FGGY: variants seen among roughly 807,000 people sequenced by gnomAD.
The protein encoded by FGGY is FGGY carbohydrate kinase domain containing, also known as FGGY carbohydrate kinase domain-containing protein.
A neutral mutation model predicts 71.3 loss-of-function variants in FGGY; 72 were observed. That is an observed-to-expected ratio of 1.01 (90% CI 0.84 to 1.23). FGGY has a LOEUF of 1.23. Ranked by LOEUF, FGGY falls within the 50% of genes most tolerant of loss-of-function variation. The probability of loss-of-function intolerance (pLI) is 0.00; values close to 1 mark genes in which losing one functional copy is unlikely to be tolerated. For synonymous variants in FGGY, 251 were observed against 250.3 expected, an observed-to-expected ratio of 1.00 and a Z score of -0.02; for missense variants, 668 against 682.3, an observed-to-expected ratio of 0.98 and a Z score of 0.23.
chr1:59,721,449 C>T (rs1267372246), intron 14 of FGGY, among the ~76,000 whole-genome samples: 1 of 147,304 alleles, frequency 6.8e-6, no homozygotes, highest in Non-Finnish European at 1.5e-5. Context: ...AGCAATTCTC[C>T]TGCCTCCGCC....
chr1:59,327,220 A>G lies in FGGY; in HGVS notation c.201+5470A>G, dbSNP rs559055656. Among the ~76,000 whole-genome samples the G allele has an allele frequency of 1.8e-4, 27 of 152,366 alleles. No homozygotes were observed. The East Asian group carries it at 5.2e-3, about 29-fold the overall frequency. On this transcript the variant is annotated intron_variant, in intron 2 of 15. Transcript: ENST00000303721. The stretch of plus-strand genomic sequence containing the variant: ...AATGTTGTTTGATAGCATCTTATCC[A>G]TGGCAGGACTTCTTTCAAAACTGGA...
intron 14 of FGGY, among the ~76,000 whole-genome samples, chr1:59,740,001 CA>C (rs1318845295): frequency 2.6e-5 from 4 of 152,156 alleles, no homozygotes; most frequent in Admixed American, 2.6e-4. Context: ...ATCCATCTAC[CA>C]TCCTTCTACA....
chr1:59,537,411 G>T (rs2095347000), intron 7 of FGGY, among the ~76,000 whole-genome samples: 1 of 152,170 alleles, frequency 6.6e-6, no homozygotes, highest in South Asian at 2.1e-4. Context: ...TCATGAAAAT[G>T]GCCATACTGC....
chr1:59,626,093 T>A (rs1417940881), intron 10 of FGGY, 44 bp downstream of exon 10: 2 of 1,551,470 alleles, frequency 1.3e-6, no homozygotes, highest in Admixed American at 3.4e-5. Context: ...CTTGTGTGAC[T>A]GTATTGAGAG....
intron 11 of FGGY, among the ~76,000 whole-genome samples, chr1:59,643,823 A>T (rs902222449): frequency 1.3e-5 from 2 of 152,224 alleles, no homozygotes; most frequent in African/African-American, 4.8e-5. Flanking sequence ...GCACCAAATA[A>T]TTGCCTTATG....
chr1:59,486,807 C>T (rs2093671217), intron 6 of FGGY, among the ~76,000 whole-genome samples: 1 of 152,202 alleles, frequency 6.6e-6, no homozygotes, highest in South Asian at 2.1e-4. Flanking sequence ...TCAGTGCATA[C>T]TGTGAGCAGT....
chr1:59,334,284 A>G (rs2049046134), intron 2 of FGGY, among the ~76,000 whole-genome samples: 1 of 152,136 alleles, frequency 6.6e-6, no homozygotes, highest in Non-Finnish European at 1.5e-5. Flanking sequence ...TTGGGACTAC[A>G]GGCACATGGC....
intron 5 of FGGY, among the ~76,000 whole-genome samples, chr1:59,400,609 T>C (rs1183356018): frequency 6.6e-6 from 1 of 152,002 alleles, no homozygotes. Context: ...TCATTAGTGT[T>C]CTTGTAACAT....
intron 4 of FGGY, among the ~76,000 whole-genome samples, chr1:59,359,952 G>A (rs2153229995): frequency 6.6e-6 from 1 of 152,234 alleles, no homozygotes; most frequent in Non-Finnish European, 1.5e-5. Flanking sequence ...CTTTGCTAAA[G>A]GGTCTGAACC....
At chr1:59,451,468 A>G (rs1410947004) in intron 5 of FGGY, among the ~76,000 whole-genome samples, 2 of 151,320 alleles carry the variant, frequency 1.3e-5, no homozygotes, top group Non-Finnish European at 3.0e-5. Flanking sequence ...ATCCACTTAG[A>G]TTTCAATACG....
chr1:59,374,705 C>G (rs1235173568), intron 4 of FGGY, among the ~76,000 whole-genome samples: 1 of 151,980 alleles, frequency 6.6e-6, no homozygotes, highest in Non-Finnish European at 1.5e-5. Flanking sequence ...ACATATACAC[C>G]ATGGAATACT....
At chr1:59,646,715 A>G (rs1233413744) in intron 11 of FGGY, among the ~76,000 whole-genome samples, 1 of 152,106 alleles carries the variant, frequency 6.6e-6, no homozygotes, top group Non-Finnish European at 1.5e-5. Context: ...GTGCAAGACA[A>G]TGTTGTTGTC....
chr1:59,296,421 T>C (rs578133845), upstream of FGGY, among the ~76,000 whole-genome samples: 10 of 152,314 alleles, frequency 6.6e-5, no homozygotes, highest in African/African-American at 2.4e-4. Flanking sequence ...CACACACCCA[T>C]CAGGGGCTGC....
intron 6 of FGGY, among the ~76,000 whole-genome samples, chr1:59,499,782 G>A (rs1016246788): frequency 1.3e-5 from 2 of 152,116 alleles, no homozygotes; most frequent in African/African-American, 4.8e-5. Context: ...TCTTCCTTAT[G>A]TGCAACATTA....
chr1:59,727,329 T>A (rs2097959770), intron 14 of FGGY, among the ~76,000 whole-genome samples: 1 of 152,238 alleles, frequency 6.6e-6, no homozygotes, highest in Non-Finnish European at 1.5e-5. Flanking sequence ...TCTTCACTAT[T>A]ATGAATAGCA....
intron 12 of FGGY, among the ~76,000 whole-genome samples, chr1:59,663,835 GA>G (rs994945496): frequency 2.6e-4 from 40 of 151,186 alleles, no homozygotes; most frequent in East Asian, 1.2e-3. Flanking sequence ...TTCAACTTGG[GA>G]AAAAAAAATG....
At chr1:59,577,814 C>T (rs1282229204) in intron 8 of FGGY, among the ~76,000 whole-genome samples, 17 of 152,270 alleles carry the variant, frequency 1.1e-4, no homozygotes, top group South Asian at 8.3e-4. Flanking sequence ...TTGGAACTCT[C>T]TGCTCAAAAG....
intron 7 of FGGY, among the ~76,000 whole-genome samples, chr1:59,546,526 G>GATT (rs1491446340): frequency 6.2e-4 from 55 of 89,186 alleles, no homozygotes; most frequent in African/African-American, 3.1e-3. Flanking sequence ...TGATGATGAT[G>GATT]ATGATGATGA....
intron 7 of FGGY, among the ~76,000 whole-genome samples, chr1:59,530,625 G>A (rs1415543791): frequency 6.6e-6 from 1 of 152,158 alleles, no homozygotes; most frequent in Non-Finnish European, 1.5e-5. Flanking sequence ...ATGAATTGGA[G>A]GGAGAAATAG....
Sources: allele counts gnomAD v4.1 joint callset (sites outside exome capture counted in the v4.1 genomes callset), GRCh38; gene constraint gnomAD v4.1.1; transcripts MANE v1.5; gene names NCBI Gene and HGNC (gene_info 2026-07-23, HGNC 2026-07-21).